Variants in PTPRM observed in about 807,000 individuals in gnomAD.
The protein encoded by PTPRM is receptor-type tyrosine-protein phosphatase mu.
A neutral mutation model predicts 186.7 loss-of-function variants in PTPRM; 47 were observed. The ratio of observed to expected loss-of-function variants is 0.25; its 90% CI spans 0.20 to 0.32. The LOEUF (loss-of-function observed/expected upper bound fraction) is 0.32, where lower values mean the gene tolerates loss of function less well. PTPRM is among the 10% of genes least tolerant of loss of function. The pLI is 1.00. For synonymous variants in PTPRM, 668 were observed against 674.9 expected (o/e 0.99, Z 0.16); for missense variants, 1,494 against 1,865.0 (o/e 0.80, Z 3.66).
At chr18:7,642,302 A>G (rs1197048577) in intron 1 of PTPRM, among the ~76,000 whole-genome samples, 4 of 152,198 alleles carry the variant, frequency 2.6e-5, no homozygotes, top group Non-Finnish European at 4.4e-5. Context: ...AACTCCTTCC[A>G]GAGAACTATT....
At chr18:8,396,659 G>C (rs1053641394) in intron 32 of PTPRM, among the ~76,000 whole-genome samples, 5 of 152,224 alleles carry the variant, frequency 3.3e-5, no homozygotes, top group Non-Finnish European at 7.3e-5. Flanking sequence ...GATCCTGAGG[G>C]AGAAGATGGG....
At chr18:8,284,376 A>G (rs1158382214) in intron 19 of PTPRM, among the ~76,000 whole-genome samples, 3 of 152,170 alleles carry the variant, frequency 2.0e-5, no homozygotes, top group Non-Finnish European at 2.9e-5. Flanking sequence ...CAAAGCATCA[A>G]CAGATTCTAA....
chr18:7,678,992 C>T (rs2039415653), intron 1 of PTPRM, among the ~76,000 whole-genome samples: 3 of 152,210 alleles, frequency 2.0e-5, no homozygotes, highest in Admixed American at 2.0e-4. Context: ...TACAGTTCTT[C>T]CTGCCTGCAG....
At chr18:8,124,666 G>A (rs1218841218) in intron 13 of PTPRM, among the ~76,000 whole-genome samples, 1 of 152,150 alleles carries the variant, frequency 6.6e-6, no homozygotes, top group African/African-American at 2.4e-5. Context: ...GGGAACCAAA[G>A]GACCTGTATT....
rs114546256 is a variant in PTPRM at position 7,664,087 on chromosome 18, C to T, written c.73+96196C>T. ...TAAGGGCTTACTCATACAGAGTCAC[C>T]TGTCATACATGTCAGGGTTCTGCTA... On this transcript the variant is annotated intron_variant, in intron 1 of 32. Coordinates refer to ENST00000580170, the MANE Select transcript of PTPRM (RefSeq NM_001105244.2). Among the ~76,000 whole-genome samples, 490 of 152,352 alleles carry T rather than the reference C, an allele frequency of 3.2e-3. 3 individuals carry two copies. The highest frequency in any genetic ancestry group is 0.011 in the African/African-American group (469 of 41,584).
intron 2 of PTPRM, among the ~76,000 whole-genome samples, chr18:7,805,801 G>A (rs2044205280): frequency 6.6e-6 from 1 of 152,114 alleles, no homozygotes; most frequent in African/African-American, 2.4e-5. Flanking sequence ...GGTTGAGGAG[G>A]CTGTCTTTTT....
At chr18:8,090,892 G>A (rs1036690115) in intron 11 of PTPRM, among the ~76,000 whole-genome samples, 10 of 152,246 alleles carry the variant, frequency 6.6e-5, no homozygotes, top group Non-Finnish European at 1.3e-4. Context: ...ACCATGCCTG[G>A]CCAAGACTAA....
intron 1 of PTPRM, among the ~76,000 whole-genome samples, chr18:7,584,384 T>A (rs1173449247): frequency 6.6e-6 from 1 of 152,186 alleles, no homozygotes; most frequent in East Asian, 1.9e-4. Context: ...GAGAAAGACC[T>A]CAGGACTGGG....
In PTPRM at chr18:8,210,637, C is replaced by T. The variant is rs114014262; in HGVS notation, c.2301-33421C>T. ...TAGCACAGAATCCAAGTGGGAAAGCCGAGGTCATGGGTGGATATGAAACTG... is the reference window on the plus strand; with the variant it reads ...TAGCACAGAATCCAAGTGGGAAAGCTGAGGTCATGGGTGGATATGAAACTG... On this transcript the variant is annotated intron_variant, in intron 14 of 32. Transcript: ENST00000580170. Among the ~76,000 whole-genome samples, 594 of 152,184 alleles carry T rather than the reference C, an allele frequency of 3.9e-3. 5 individuals are homozygous for T. The highest frequency in any genetic ancestry group is 0.013 in the African/African-American group (534 of 41,512).
intron 5 of PTPRM, among the ~76,000 whole-genome samples, chr18:7,946,708 G>A (rs1408139114): frequency 1.3e-5 from 2 of 152,162 alleles, no homozygotes; most frequent in African/African-American, 4.8e-5. Flanking sequence ...AACACACACA[G>A]ACTTATGTGG....
chr18:7,846,976 T>A (rs1460778077), intron 2 of PTPRM, among the ~76,000 whole-genome samples: 5 of 151,924 alleles, frequency 3.3e-5, no homozygotes, highest in Non-Finnish European at 7.4e-5. Flanking sequence ...ACTATCACTG[T>A]ATTTTGAAGG....
intron 1 of PTPRM, among the ~76,000 whole-genome samples, chr18:7,591,036 C>G (rs184197758): frequency 6.6e-6 from 1 of 152,334 alleles, no homozygotes; most frequent in Non-Finnish European, 1.5e-5. Context: ...AAGAGTGACT[C>G]TCATTTCCTG....
At chr18:8,288,196 G>A (rs975164766) in intron 19 of PTPRM, among the ~76,000 whole-genome samples, 3 of 152,224 alleles carry the variant, frequency 2.0e-5, no homozygotes, top group Non-Finnish European at 4.4e-5. Flanking sequence ...ATCTGGAAAT[G>A]CAGGCTTTGA....
chr18:8,139,426 T>A (rs115644572), intron 13 of PTPRM, among the ~76,000 whole-genome samples: 5,394 of 152,204 alleles, frequency 0.035, 135 homozygotes, highest in African/African-American at 0.066. Flanking sequence ...GTAACTGAGG[T>A]CCCTGCCTCC....
chr18:7,899,927 A>C (rs1333146895), intron 3 of PTPRM, among the ~76,000 whole-genome samples: 2 of 152,256 alleles, frequency 1.3e-5, no homozygotes, highest in East Asian at 3.8e-4. Context: ...AGAAAACCAC[A>C]CATGTGATAT....
chr18:8,171,576 T>C (rs1192706206), intron 14 of PTPRM, among the ~76,000 whole-genome samples: 1 of 152,186 alleles, frequency 6.6e-6, no homozygotes, highest in African/African-American at 2.4e-5. Flanking sequence ...GTAAATGTGT[T>C]TGTTTCTATG....
At chr18:7,782,403 G>A (rs2042899434) in intron 2 of PTPRM, among the ~76,000 whole-genome samples, 1 of 152,182 alleles carries the variant, frequency 6.6e-6, no homozygotes, top group Admixed American at 6.5e-5. Context: ...ATCTGATTTG[G>A]TGTTTTCCTC....
chr18:7,702,646 C>G (rs2039991367), intron 1 of PTPRM, among the ~76,000 whole-genome samples: 1 of 152,140 alleles, frequency 6.6e-6, no homozygotes, highest in African/African-American at 2.4e-5. Flanking sequence ...TGGAGGTTGC[C>G]TGTTCACTCT....
intron 7 of PTPRM, among the ~76,000 whole-genome samples, chr18:7,994,265 AAC>A (rs71165762): frequency 0.12 from 17,225 of 148,768 alleles, 1,091 homozygotes; most frequent in African/African-American, 0.17. Flanking sequence ...GGATATAAAT[AAC>A]ACACACACAC....
Sources: gnomAD v4.1 joint callset for allele counts (sites outside exome capture counted in the v4.1 genomes callset) on GRCh38, gnomAD v4.1.1 for gene constraint, MANE v1.5 for transcripts, NCBI Gene and HGNC (gene_info 2026-07-23, HGNC 2026-07-21) for gene names.